The following GARNL3 variants were observed in gnomAD, a reference collection of about 807,000 sequenced individuals.
GARNL3 encodes the protein GTPase activating Rap/RanGAP domain like 3, also known as GTPase-activating Rap/Ran-GAP domain-like protein 3.
A neutral mutation model predicts 125.0 loss-of-function variants in GARNL3; 63 were observed. That is an observed-to-expected ratio of 0.50 (90% CI 0.41 to 0.62). The LOEUF (loss-of-function observed/expected upper bound fraction) is 0.62. Ranked by LOEUF, GARNL3 falls within the 20% of genes least tolerant of loss-of-function variation. The probability of loss-of-function intolerance (pLI) is 0.00; values close to 1 mark genes in which losing one functional copy is unlikely to be tolerated. For synonymous variants in GARNL3, 439 were observed against 457.5 expected, an observed-to-expected ratio of 0.96 and a Z score of 0.52; for missense variants, 994 against 1,244.0, an observed-to-expected ratio of 0.80 and a Z score of 3.02.
At chr9:127,288,755 CTG>C (rs935040059) in intron 1 of GARNL3, among the ~76,000 whole-genome samples, 1 of 152,072 alleles carries the variant, frequency 6.6e-6, no homozygotes, top group African/African-American at 2.4e-5. Flanking sequence ...TTACGTATGC[CTG>C]TGTCTAAAAT....
At chr9:127,303,011 C>T (rs774580082) in intron 2 of GARNL3, among the ~76,000 whole-genome samples, 2 of 152,024 alleles carry the variant, frequency 1.3e-5, no homozygotes, top group African/African-American at 2.4e-5. Flanking sequence ...ATTAGCCAGG[C>T]GTGGTAGTGG....
chr9:127,342,289 GTTGATTAGATC>G lies in GARNL3; in HGVS notation c.1209_1219del (p.Leu403PhefsTer11). On this transcript the variant is annotated frameshift_variant, in exon 14 of 28. Coordinates refer to ENST00000373387, the MANE Select transcript of GARNL3 (RefSeq NM_032293.5). LOFTEE classifies it high-confidence loss of function. The stretch of plus-strand genomic sequence containing the variant: ...AGAAACGTCGGCGTACCCTGGATAT[GTTGATTAGATC>G]TTTACACCAGGATTTGATGCCAGAT... 1 of 1,613,990 alleles carries G rather than the reference GTTGATTAGATC, an allele frequency of 6.2e-7. No homozygotes were observed. The highest frequency in any genetic ancestry group is 8.5e-7 in the Non-Finnish European group (1 of 1,179,866).
intron 2 of GARNL3, among the ~76,000 whole-genome samples, chr9:127,292,969 C>T (rs1043493643): frequency 5.9e-5 from 9 of 152,192 alleles, no homozygotes; most frequent in Admixed American, 5.2e-4. Flanking sequence ...CTGTTGTGTT[C>T]AAAACACAGT....
chr9:127,315,889 A>G (rs1245276177), intron 4 of GARNL3, among the ~76,000 whole-genome samples: 1 of 152,224 alleles, frequency 6.6e-6, no homozygotes, highest in Non-Finnish European at 1.5e-5. Context: ...CTGTAGACAC[A>G]CACCTGCACA....
At chr9:127,358,872 A>G (rs1405484810) in intron 21 of GARNL3, among the ~76,000 whole-genome samples, 2 of 152,282 alleles carry the variant, frequency 1.3e-5, no homozygotes, top group Admixed American at 6.5e-5. Context: ...AATCCCTGGT[A>G]TATTTCATTG....
chr9:127,330,020 G>A (rs1468126580), intron 7 of GARNL3, among the ~76,000 whole-genome samples: 2 of 152,144 alleles, frequency 1.3e-5, no homozygotes, highest in African/African-American at 2.4e-5. Flanking sequence ...CAAAGTGGGG[G>A]CCCTAGGCCA....
intron 4 of GARNL3, among the ~76,000 whole-genome samples, chr9:127,315,718 C>G (rs751555951): frequency 3.3e-5 from 5 of 151,622 alleles, no homozygotes; most frequent in Non-Finnish European, 2.9e-5. Flanking sequence ...TCTTGCATAT[C>G]TCTACTGTGT....
chr9:127,352,998 C>G (rs898294389), intron 17 of GARNL3, among the ~76,000 whole-genome samples: 25 of 152,164 alleles, frequency 1.6e-4, no homozygotes, highest in African/African-American at 5.8e-4. Context: ...CAGAACAGAC[C>G]CTTTTGCTTA....
In GARNL3 at chr9:127,392,694, CAG is replaced by C. The variant is rs1485754448; in HGVS notation, c.2871-386_2871-385del. 6.6e-6 allele frequency among the ~76,000 whole-genome samples: 1 copy of C among 152,202 alleles called. No homozygotes were observed. Among genetic ancestry groups the C allele is most frequent in the Non-Finnish European group, 1.5e-5 (1 of 68,028 alleles). On this transcript the variant is annotated intron_variant, in intron 27 of 27. Coordinates refer to ENST00000373387, the MANE Select transcript of GARNL3 (RefSeq NM_032293.5). The surrounding 1 kb of genome is among the most constrained non-coding windows in gnomAD (Gnocchi z 5.2). ...GAGAGTCCTGAGGAGCTGGAGGAAA[CAG>C]AGGGAGTCAGGGGTGCCCTGGGAGG... is the stretch of plus-strand genomic sequence containing the variant.
intron 14 of GARNL3, among the ~76,000 whole-genome samples, chr9:127,343,564 C>T (rs373602533): frequency 1.8e-4 from 27 of 152,312 alleles, no homozygotes; most frequent in African/African-American, 6.5e-4. Context: ...ACTCTGTGCT[C>T]CACAAGGATA....
chr9:127,244,913 A>G (rs1056148499), intron 2 of GARNL3, among the ~76,000 whole-genome samples: 3 of 152,196 alleles, frequency 2.0e-5, no homozygotes, highest in Non-Finnish European at 4.4e-5. Flanking sequence ...GGAATTTCAA[A>G]TTTCAGGCGA....
At chr9:127,234,980 T>C (rs184847213) in intron 1 of GARNL3, among the ~76,000 whole-genome samples, 3 of 152,228 alleles carry the variant, frequency 2.0e-5, no homozygotes, top group Non-Finnish European at 4.4e-5. Flanking sequence ...ATAGCACTTA[T>C]AAAAGTTTTT....
intron 22 of GARNL3, among the ~76,000 whole-genome samples, chr9:127,368,575 C>A (rs1831423238): frequency 6.6e-6 from 1 of 150,790 alleles, no homozygotes. Flanking sequence ...AGGTGATCCA[C>A]CTGCCTCAGC....
rs572658469 is a variant in GARNL3, at chr9:127,365,532, G to A, written c.2161+166G>A. Among the ~76,000 whole-genome samples, 19 of 151,980 alleles carry A rather than the reference G, an allele frequency of 1.3e-4. No individual in the cohort carries two copies. The South Asian group carries it at 3.5e-3, about 28-fold the overall frequency. On this transcript the variant is annotated intron_variant, in intron 22 of 27. Transcript: ENST00000373387. Reference sequence around the variant, plus strand: ...AAATACCTTCCTCCCTGAGTCTCCCGCTGCGCACCAGGCCTCTTGGTGACA... The same window carrying A: ...AAATACCTTCCTCCCTGAGTCTCCCACTGCGCACCAGGCCTCTTGGTGACA...
Position 127,313,436 on chromosome 9 carries a change from T to C in GARNL3, c.320-5T>C, listed in dbSNP as rs2065149417. The C allele has an allele frequency of 6.2e-7, 1 of 1,604,270 alleles. No individual in the cohort carries two copies. ...TTCTCACTGTTCTAAACCTTTCTTT[T>C]CCAGTCCATCAGAACTACATTGGAA... On this transcript the variant is annotated splice_polypyrimidine_tract_variant and splice_region_variant and intron_variant, in intron 3 of 27. Transcript: ENST00000373387.
intron 2 of GARNL3, among the ~76,000 whole-genome samples, chr9:127,301,281 C>A (rs1045890080): frequency 2.6e-5 from 4 of 152,198 alleles, no homozygotes; most frequent in African/African-American, 9.6e-5. Flanking sequence ...CAGAGTGGAG[C>A]AGGCTCATCC....
chr9:127,332,123 T>C, intron 7 of GARNL3, 151 bp from the exon 8 acceptor site: 3 of 657,368 alleles, frequency 4.6e-6, no homozygotes, highest in Admixed American at 4.8e-5. Flanking sequence ...GTTGTTAACA[T>C]TGGTCAATAA....
At chr9:127,374,909 CAA>C (rs772141471) in intron 22 of GARNL3, among the ~76,000 whole-genome samples, 4 of 63,204 alleles carry the variant, frequency 6.3e-5, no homozygotes, top group Non-Finnish European at 7.1e-5. Context: ...TCCATCTCTA[CAA>C]AAAAAAAAAA....
chr9:127,329,143 T>TA (rs1473017689), intron 7 of GARNL3, among the ~76,000 whole-genome samples: 1 of 152,202 alleles, frequency 6.6e-6, no homozygotes, highest in East Asian at 1.9e-4. Flanking sequence ...TGAAAACTGT[T>TA]AGTCATGGAC....
Sources: allele counts gnomAD v4.1 joint callset (sites outside exome capture counted in the v4.1 genomes callset), GRCh38; gene constraint gnomAD v4.1.1; non-coding constraint Gnocchi (gnomAD v3.1); transcripts MANE v1.5; gene names NCBI Gene and HGNC (gene_info 2026-07-23, HGNC 2026-07-21).